PCDHA6: variants seen among roughly 807,000 people sequenced by gnomAD.
The protein encoded by PCDHA6 is protocadherin alpha 6, also known as protocadherin alpha-6.
PCDHA6 carries 55 observed loss-of-function variants against 60.3 expected under a neutral mutation model. The ratio of observed to expected loss-of-function variants is 0.91; its 90% CI spans 0.73 to 1.14. The LOEUF (loss-of-function observed/expected upper bound fraction) is 1.14, where lower values mean the gene tolerates loss of function less well. Among genes scored for constraint, PCDHA6 ranks in the 50% most tolerant of loss-of-function variants. The pLI is 0.00. For missense variants in PCDHA6, 1,327 were observed against 1,256.5 expected, an observed-to-expected ratio of 1.06 and a Z score of -0.85; for synonymous variants, 652 against 557.9, an observed-to-expected ratio of 1.17 and a Z score of -2.38.
intron 1 of PCDHA6, among the ~76,000 whole-genome samples, chr5:140,906,546 G>A (rs1261080393): frequency 2.0e-5 from 3 of 152,222 alleles, no homozygotes; most frequent in Non-Finnish European, 4.4e-5. Context: ...CCTCATTTCT[G>A]CAACTGGTTG....
At position 140,828,810 on chromosome 5, in the gene PCDHA6, C is replaced by A. The variant is rs1221308735; in HGVS notation, c.719C>A (p.Pro240His). The part of the protein sequence containing the change: ...VTVLDVNDNA[P>H]TFEQSEYEVR... ...GTGCTGGATGTGAATGATAATGCTC[C>A]CACTTTCGAACAGTCTGAATACGAA... Residue 240 changes from proline (P) to histidine (H), a missense_variant, in exon 1 of 4, where the codon CCC becomes CAC. Coordinates refer to ENST00000529310, the MANE Select transcript of PCDHA6 (RefSeq NM_018909.4). The A allele has an allele frequency of 4.3e-6, 7 of 1,614,140 alleles. No homozygotes were observed. Among genetic ancestry groups the A allele is most frequent in the African/African-American group, 1.3e-5 (1 of 75,012 alleles).
At chr5:141,008,686 A>G (rs1419778370) in intron 3 of PCDHA6, among the ~76,000 whole-genome samples, 1 of 152,174 alleles carries the variant, frequency 6.6e-6, no homozygotes, top group Non-Finnish European at 1.5e-5. Flanking sequence ...TAGTTATTGC[A>G]TGTATTAAGT....
chr5:140,879,782 G>C (rs1372413289), intron 1 of PCDHA6, among the ~76,000 whole-genome samples: 1 of 152,178 alleles, frequency 6.6e-6, no homozygotes, highest in African/African-American at 2.4e-5. Flanking sequence ...GGAAGAATCT[G>C]GTTTTTGTTT....
intron 1 of PCDHA6, chr5:140,875,963 T>C: frequency 4.3e-6 from 7 of 1,614,122 alleles, no homozygotes; most frequent in Non-Finnish European, 5.9e-6. Context: ...GATATCGGCG[T>C]AAACTCTCTT....
At chr5:140,979,548 C>A (rs2153819465) in intron 2 of PCDHA6, among the ~76,000 whole-genome samples, 1 of 152,286 alleles carries the variant, frequency 6.6e-6, no homozygotes, top group African/African-American at 2.4e-5. Context: ...TGACATGGTT[C>A]TTCAGAAGAT....
intron 1 of PCDHA6, among the ~76,000 whole-genome samples, chr5:140,831,452 T>G (rs1554133237): frequency 6.6e-6 from 1 of 150,554 alleles, no homozygotes; most frequent in African/African-American, 2.4e-5. Context: ...CTCGAATGCC[T>G]GGGCTCAAGT....
At chr5:140,882,454 C>G (rs782708863) in intron 1 of PCDHA6, 12 of 1,613,934 alleles carry the variant, frequency 7.4e-6, no homozygotes, top group Non-Finnish European at 1.0e-5. Flanking sequence ...TGGTGCCGCG[C>G]CTGTTCCGGG....
chr5:140,871,292 CGT>C (rs781959716), intron 1 of PCDHA6: 2 of 1,613,890 alleles, frequency 1.2e-6, no homozygotes, highest in Non-Finnish European at 1.7e-6. Flanking sequence ...ACTGAGGGCG[CGT>C]GCGCGCCGGG....
In PCDHA6 at chr5:140,869,747, C is replaced by G. The variant is rs1554163400; in HGVS notation, c.2394+39262C>G. 1.2e-6 allele frequency: 2 copies of G among 1,613,158 alleles called. No individual in the cohort carries two copies. Reference sequence around the variant, plus strand: ...GAACTTAATTTGCTGCTAACAGCTACAGACGGGGGAAAACCAGAGCTTACT... The same window carrying G: ...GAACTTAATTTGCTGCTAACAGCTAGAGACGGGGGAAAACCAGAGCTTACT... On this transcript the variant is annotated intron_variant, in intron 1 of 3. Coordinates refer to ENST00000529310, the MANE Select transcript of PCDHA6 (RefSeq NM_018909.4).
chr5:140,886,498 C>T (rs1415505049), intron 1 of PCDHA6, among the ~76,000 whole-genome samples: 1 of 151,920 alleles, frequency 6.6e-6, no homozygotes, highest in African/African-American at 2.4e-5. Context: ...ATATCTTTTT[C>T]CTTTTATGGA....
intron 1 of PCDHA6, chr5:140,882,237 T>C (rs2059015707): frequency 8.2e-6 from 13 of 1,582,128 alleles, no homozygotes; most frequent in Non-Finnish European, 1.1e-5. Context: ...TTGTATATAT[T>C]GCAGATAGCT....
Position 141,009,718 on chromosome 5 carries a change from A to C in PCDHA6, c.2634A>C (p.Gln878His). The change falls in exon 4 of 4, where the codon CAA becomes CAC. Residue 878 changes from glutamine to histidine, a missense_variant. Coordinates refer to ENST00000529310, the MANE Select transcript of PCDHA6 (RefSeq NM_018909.4). Reference protein sequence around the residue: ...TFKYGPGNPKQSGPGELPDKF... With the variant: ...TFKYGPGNPKHSGPGELPDKF... Reference sequence around the variant, plus strand: ...AATACGGACCAGGCAACCCCAAACAATCCGGTCCCGGTGAGTTGCCCGACA... The same window carrying C: ...AATACGGACCAGGCAACCCCAAACACTCCGGTCCCGGTGAGTTGCCCGACA... 6.2e-7 allele frequency: 1 copy of C among 1,614,044 alleles called. No individual in the cohort carries two copies. Among genetic ancestry groups the C allele is most frequent in the Non-Finnish European group, 8.5e-7 (1 of 1,180,018 alleles).
rs369328632 is a variant in PCDHA6, at chr5:140,856,073, G to A, written c.2394+25588G>A. On this transcript the variant is annotated intron_variant, in intron 1 of 3. Transcript: ENST00000529310. ...GATGGTTTCCAGATGTAGCTGCCTG[G>A]GGGTCCAGTGTCTGCTGCTCTCGCT... The A allele has an allele frequency of 1.9e-6, 3 of 1,592,028 alleles. 1 individual carries two copies. Among genetic ancestry groups the A allele is most frequent in the Non-Finnish European group, 2.6e-6 (3 of 1,163,816 alleles).
intron 3 of PCDHA6, among the ~76,000 whole-genome samples, chr5:140,990,611 G>A (rs577900189): frequency 6.6e-6 from 1 of 152,116 alleles, no homozygotes; most frequent in Non-Finnish European, 1.5e-5. Context: ...GATGAATACC[G>A]TAAAGGTCTG....
At chr5:140,836,409 C>T in intron 1 of PCDHA6, 1 of 1,613,780 alleles carries the variant, frequency 6.2e-7, no homozygotes, top group South Asian at 1.1e-5. Flanking sequence ...CGGCCAGGCA[C>T]CAAAGGCGTC....
chr5:140,849,100 G>C lies in PCDHA6; in HGVS notation c.2394+18615G>C, dbSNP rs1554142751. 2.0e-6 allele frequency: 3 copies of C among 1,471,168 alleles called. No individual in the cohort carries two copies. The Admixed American group carries it at 6.2e-5, about 30-fold the overall frequency. The allele number at this position is 1,471,168 out of a possible 1,614,324, so 91.1% of individuals were successfully genotyped here. A position where few individuals can be genotyped will look rare whatever the true frequency, so the allele number is the denominator to read the frequency against. Reference sequence around the variant, plus strand: ...CTTGTATTACGGAAACTTTTAGACAGAGAAGAAACTCCGGAGCTTCATTTA... The same window carrying C: ...CTTGTATTACGGAAACTTTTAGACACAGAAGAAACTCCGGAGCTTCATTTA... On this transcript the variant is annotated intron_variant, in intron 1 of 3. Transcript: ENST00000529310.
chr5:140,865,139 A>G (rs1467997658), intron 1 of PCDHA6: 1 of 152,202 alleles, frequency 6.6e-6, no homozygotes, highest in Non-Finnish European at 1.5e-5. Flanking sequence ...CTTAGAATTT[A>G]ACATTGTATA....
intron 1 of PCDHA6, chr5:140,877,508 C>T (rs892674985): frequency 2.5e-6 from 4 of 1,613,808 alleles, no homozygotes; most frequent in Non-Finnish European, 2.5e-6. Context: ...CCAAAGACGT[C>T]GTCGCGGGCC....
At chr5:140,917,326 G>GT (rs1425389614) in intron 1 of PCDHA6, among the ~76,000 whole-genome samples, 1 of 149,490 alleles carries the variant, frequency 6.7e-6, no homozygotes, top group Non-Finnish European at 1.5e-5. Flanking sequence ...TCATGTGGCG[G>GT]GGGAGGGGGG....
Sources: gnomAD v4.1 joint callset for allele counts (sites outside exome capture counted in the v4.1 genomes callset) on GRCh38, gnomAD v4.1.1 for gene constraint, MANE v1.5 for transcripts, NCBI Gene and HGNC (gene_info 2026-07-23, HGNC 2026-07-21) for gene names.